SCAMP5: variants seen among roughly 807,000 people sequenced by gnomAD.
SCAMP5 encodes the protein secretory carrier membrane protein 5.
A neutral mutation model predicts 28.3 loss-of-function variants in SCAMP5; 7 were observed. The observed-to-expected ratio is 0.25, with a 90% confidence interval of 0.14 to 0.46. The LOEUF (loss-of-function observed/expected upper bound fraction) is 0.46. Ranked by LOEUF, SCAMP5 falls within the 20% of genes least tolerant of loss-of-function variation. The pLI is 0.99. For missense variants in SCAMP5, 192 were observed against 312.5 expected (o/e 0.61, Z 2.91); for synonymous variants, 117 against 116.4 (o/e 1.00, Z -0.03).
chr15:75,013,467 G>A (rs2065832185), intron 3 of SCAMP5, among the ~76,000 whole-genome samples: 1 of 152,166 alleles, frequency 6.6e-6, no homozygotes, highest in African/African-American at 2.4e-5. Context: ...GGGAGGCTGA[G>A]CCAGGAGGAT....
chr15:75,002,940 T>C (rs1334784655), intron 1 of SCAMP5, among the ~76,000 whole-genome samples: 1 of 152,154 alleles, frequency 6.6e-6, no homozygotes, highest in Non-Finnish European at 1.5e-5. Context: ...TTTATTTTTA[T>C]TTTTTGGAGA....
At chr15:75,002,416 C>T (rs1466536913) in intron 1 of SCAMP5, among the ~76,000 whole-genome samples, 5 of 152,014 alleles carry the variant, frequency 3.3e-5, no homozygotes, top group Admixed American at 6.6e-5. Flanking sequence ...AGCTGCAGCC[C>T]TCCCTGGGCC....
intron 1 of SCAMP5, 50 bp from the exon 2 acceptor site, chr15:75,011,742 G>A (rs1429202338): frequency 9.9e-7 from 1 of 1,012,518 alleles, no homozygotes; most frequent in African/African-American, 1.6e-5. Context: ...GAGGGACTGG[G>A]TTGGGTGTGG....
chr15:75,005,687 C>T (rs2065750487), intron 1 of SCAMP5, among the ~76,000 whole-genome samples: 1 of 152,156 alleles, frequency 6.6e-6, no homozygotes, highest in Non-Finnish European at 1.5e-5. Context: ...ACCTTGAGTC[C>T]TTCTGTGCAC....
At chr15:75,006,374 C>T (rs1402934162) in intron 1 of SCAMP5, among the ~76,000 whole-genome samples, 2 of 151,380 alleles carry the variant, frequency 1.3e-5, no homozygotes, top group Non-Finnish European at 2.9e-5. Flanking sequence ...CTATGTGGGC[C>T]GGGCACTGTG....
rs758428375 is a variant in SCAMP5 at position 75,017,866 on chromosome 15, G to C, written c.294-4G>C. On this transcript the variant is annotated splice_region_variant and splice_polypyrimidine_tract_variant and intron_variant, in intron 4 of 6. Transcript: ENST00000425597. ...GGTGACGGGAGCCACCTCCTCTGCC[G>C]CAGGACTGACAGCTCCTTCAGTTTC... 1 of 1,607,972 alleles carries C rather than the reference G, an allele frequency of 6.2e-7. No individual in the cohort carries two copies. Among genetic ancestry groups the C allele is most frequent in the Non-Finnish European group, 8.5e-7 (1 of 1,174,692 alleles).
At chr15:75,014,229 A>G (rs542692971) in intron 3 of SCAMP5, among the ~76,000 whole-genome samples, 19 of 152,192 alleles carry the variant, frequency 1.2e-4, no homozygotes, top group Middle Eastern at 3.4e-3. Context: ...TGGTAGGAAG[A>G]GGATGGGGCA....
chr15:74,999,907 A>C (rs1208125152), intron 1 of SCAMP5, among the ~76,000 whole-genome samples: 2 of 152,246 alleles, frequency 1.3e-5, no homozygotes, highest in Non-Finnish European at 2.9e-5. Context: ...GTCATTAAAA[A>C]GATTGAGATA....
intron 1 of SCAMP5, among the ~76,000 whole-genome samples, chr15:75,006,406 A>G (rs2065759719): frequency 1.3e-5 from 2 of 151,728 alleles, no homozygotes; most frequent in South Asian, 4.2e-4. Flanking sequence ...TAATCCCAGC[A>G]CTTTGGGAGG....
chr15:75,013,288 T>A (rs1270896470), intron 3 of SCAMP5, among the ~76,000 whole-genome samples: 1 of 152,156 alleles, frequency 6.6e-6, no homozygotes, highest in Non-Finnish European at 1.5e-5. Flanking sequence ...AGCTGTGGGA[T>A]CAAGTTTGCC....
rs1205805867 is a variant in SCAMP5 at position 74,995,594 on chromosome 15, C to A, written c.-128C>A. 6.8e-6 allele frequency: 1 copy of A among 147,594 alleles called. No individual in the cohort carries two copies. Among genetic ancestry groups the A allele is most frequent in the Non-Finnish European group, 1.5e-5 (1 of 66,080 alleles). The allele number at this position is 147,594 out of a possible 1,614,324, so 9.1% of individuals were successfully genotyped here. On this transcript the variant is annotated 5_prime_UTR_variant, in exon 1 of 7. Coordinates refer to ENST00000425597, the MANE Select transcript of SCAMP5 (RefSeq NM_138967.4). ...CCCCAGCCCCGGAGCGGCTCGCGGC[C>A]GGCTCCGCGCCGCATCGCTCGGGTG...
intron 1 of SCAMP5, among the ~76,000 whole-genome samples, chr15:75,009,010 CT>C (rs1021127503): frequency 1.1e-4 from 16 of 151,868 alleles, no homozygotes; most frequent in Non-Finnish European, 1.9e-4. Flanking sequence ...TCTTCTCTTC[CT>C]TTTTTTTAAT....
At chr15:75,006,469 A>G (rs2065760557) in intron 1 of SCAMP5, among the ~76,000 whole-genome samples, 1 of 147,824 alleles carries the variant, frequency 6.8e-6, no homozygotes, top group African/African-American at 2.5e-5. Context: ...CCTGGCCAAC[A>G]TGGTGAAACC....
At chr15:75,015,943 A>AG (rs1422311591) in intron 3 of SCAMP5, among the ~76,000 whole-genome samples, 2 of 151,682 alleles carry the variant, frequency 1.3e-5, no homozygotes, top group South Asian at 2.1e-4. Flanking sequence ...AAAAAAAAAA[A>AG]AAAGAAATAG....
chr15:75,004,068 C>T (rs1344994294), intron 1 of SCAMP5, among the ~76,000 whole-genome samples: 1 of 151,830 alleles, frequency 6.6e-6, no homozygotes, highest in South Asian at 2.1e-4. Context: ...CCATGCCCGG[C>T]TAATTTTGTA....
chr15:75,006,858 C>T (rs954499106), intron 1 of SCAMP5, among the ~76,000 whole-genome samples: 3 of 151,852 alleles, frequency 2.0e-5, no homozygotes, highest in African/African-American at 7.3e-5. Context: ...AAAAGAATCA[C>T]TTGAACCCAG....
At position 75,012,798 on chromosome 15, in the gene SCAMP5, C is replaced by A. The variant is rs761981241; in HGVS notation, c.129C>A (p.Leu43=). The change falls in exon 3 of 7, where the codon CTC becomes CTA. Residue 43 remains leucine (L), a synonymous_variant. Coordinates refer to ENST00000425597, the MANE Select transcript of SCAMP5 (RefSeq NM_138967.4). ...HVSMTKRLYY[L]WMLNSVTLAV... ...GCATGACCAAGCGCCTCTACTACCT[C>A]TGGATGTGTGAGTGCCATGGGATGG... 2 of 1,614,032 alleles carry A rather than the reference C, an allele frequency of 1.2e-6. No homozygotes were observed. The highest frequency in any genetic ancestry group is 2.2e-5 in the South Asian group (2 of 91,092).
Position 74,995,574 on chromosome 15 carries a change from G to A in SCAMP5, c.-148G>A, listed in dbSNP as rs2065643060. On this transcript the variant is annotated 5_prime_UTR_variant, in exon 1 of 7. Coordinates refer to ENST00000425597, the MANE Select transcript of SCAMP5 (RefSeq NM_138967.4). The stretch of plus-strand genomic sequence containing the variant: ...CGCGCGCGCGCGCTCCCCGCCCCCA[G>A]CCCCGGAGCGGCTCGCGGCCGGCTC... The A allele has an allele frequency of 7.0e-6, 1 of 142,600 alleles. No individual in the cohort carries two copies. Among genetic ancestry groups the A allele is most frequent in the African/African-American group, 2.5e-5 (1 of 39,240 alleles). The allele number at this position is 142,600 out of a possible 1,614,324, so 8.8% of individuals were successfully genotyped here. A position where few individuals can be genotyped will look rare whatever the true frequency, so the allele number is the denominator to read the frequency against.
At chr15:75,001,492 T>C (rs530369431) in intron 1 of SCAMP5, among the ~76,000 whole-genome samples, 11 of 151,538 alleles carry the variant, frequency 7.3e-5, no homozygotes, top group African/African-American at 2.7e-4. Flanking sequence ...CAGAGAAAAT[T>C]GGGCTAGGTG....
Sources: gnomAD v4.1 joint callset for allele counts (sites outside exome capture counted in the v4.1 genomes callset) on GRCh38, gnomAD v4.1.1 for gene constraint, MANE v1.5 for transcripts, NCBI Gene and HGNC (gene_info 2026-07-23, HGNC 2026-07-21) for gene names.